C9orf153: variants seen among roughly 807,000 people sequenced by gnomAD.
C9orf153 encodes chromosome 9 open reading frame 153.
C9orf153 carries 10 observed loss-of-function variants against 9.0 expected under a neutral mutation model. The observed-to-expected ratio is 1.11, with a 90% CI of 0.69 to 1.89. The LOEUF (loss-of-function observed/expected upper bound fraction) is 1.89, where lower values mean the gene tolerates loss of function less well. Among genes scored for constraint, C9orf153 ranks in the 40% most tolerant of loss-of-function variants. The pLI, the probability that C9orf153 is intolerant of heterozygous loss-of-function variation, is 0.00. For synonymous variants in C9orf153, 35 were observed against 37.3 expected (o/e 0.94, Z 0.23); for missense variants, 108 against 111.0 (o/e 0.97, Z 0.12).
At chr9:86,228,447 T>A (rs181330740) in intron 2 of C9orf153, among the ~76,000 whole-genome samples, 2 of 152,174 alleles carry the variant, frequency 1.3e-5, no homozygotes, top group Non-Finnish European at 2.9e-5. Flanking sequence ...GCCAGATCAC[T>A]TAGATATCAG....
intron 1 of C9orf153, among the ~76,000 whole-genome samples, chr9:86,236,979 A>G (rs1247305962): frequency 6.6e-6 from 1 of 151,600 alleles, no homozygotes; most frequent in Non-Finnish European, 1.5e-5. Flanking sequence ...GCAAGAATGT[A>G]TTCAAACAAT....
chr9:86,221,882 TTTTA>T (rs1448033026), intron 3 of C9orf153, 149 bp from the exon 4 acceptor site: 107 of 506,872 alleles, frequency 2.1e-4, no homozygotes, highest in South Asian at 3.9e-4. Context: ...TATTTTTAAT[TTTTA>T]TTTATTTATT....
At chr9:86,234,275 C>A (rs1180101704) in intron 1 of C9orf153, among the ~76,000 whole-genome samples, 1 of 151,960 alleles carries the variant, frequency 6.6e-6, no homozygotes, top group Non-Finnish European at 1.5e-5. Flanking sequence ...TCTTTTATGA[C>A]AATCTAAATA....
At chr9:86,238,819 A>G (rs1824661831) in intron 1 of C9orf153, among the ~76,000 whole-genome samples, 1 of 152,174 alleles carries the variant, frequency 6.6e-6, no homozygotes, top group African/African-American at 2.4e-5. Context: ...AAAATATCCA[A>G]TGATGAGCTC....
intron 1 of C9orf153, among the ~76,000 whole-genome samples, chr9:86,257,413 G>T (rs578232782): frequency 3.8e-4 from 58 of 152,260 alleles, no homozygotes; most frequent in Non-Finnish European, 6.8e-4. Context: ...CTCCCTCCTG[G>T]CTTTCACTTG....
intron 1 of C9orf153, among the ~76,000 whole-genome samples, chr9:86,238,282 G>A (rs898137196): frequency 1.3e-5 from 2 of 152,130 alleles, no homozygotes; most frequent in African/African-American, 4.8e-5. Context: ...TCAATCAACT[G>A]GATATAATTG....
At chr9:86,255,820 G>A (rs1825112372) in intron 1 of C9orf153, among the ~76,000 whole-genome samples, 1 of 152,148 alleles carries the variant, frequency 6.6e-6, no homozygotes, top group African/African-American at 2.4e-5. Context: ...AACCTTCAGA[G>A]GGCAAAAAGG....
intron 1 of C9orf153, among the ~76,000 whole-genome samples, chr9:86,237,940 G>A (rs1388655557): frequency 2.0e-5 from 3 of 152,056 alleles, no homozygotes; most frequent in African/African-American, 7.2e-5. Flanking sequence ...AATTAGCCAG[G>A]TGTGGTGGCA....
At chr9:86,257,369 G>GA (rs1157487162) in intron 1 of C9orf153, among the ~76,000 whole-genome samples, 2 of 152,172 alleles carry the variant, frequency 1.3e-5, no homozygotes, top group Non-Finnish European at 2.9e-5. Context: ...GGAACCTGAA[G>GA]ATTCCCCTGC....
At chr9:86,242,413 A>G (rs575132463) in intron 1 of C9orf153, among the ~76,000 whole-genome samples, 1 of 151,808 alleles carries the variant, frequency 6.6e-6, no homozygotes, top group Non-Finnish European at 1.5e-5. Context: ...TGAGCTGAGT[A>G]GTTGGCACAG....
intron 1 of C9orf153, among the ~76,000 whole-genome samples, chr9:86,243,886 A>G (rs1824805235): frequency 6.6e-6 from 1 of 152,222 alleles, no homozygotes; most frequent in Non-Finnish European, 1.5e-5. Context: ...CAGTGGCCTC[A>G]AGACTAGTTC....
At chr9:86,226,400 C>T (rs556424412) in intron 3 of C9orf153, among the ~76,000 whole-genome samples, 1 of 152,118 alleles carries the variant, frequency 6.6e-6, no homozygotes, top group African/African-American at 2.4e-5. Flanking sequence ...TGACTCACTG[C>T]AACCTCTGCC....
chr9:86,250,833 C>T (rs924749596), intron 1 of C9orf153, among the ~76,000 whole-genome samples: 1 of 152,120 alleles, frequency 6.6e-6, no homozygotes, highest in East Asian at 1.9e-4. Context: ...CTCCTTTACC[C>T]TCAGAATGGT....
intron 1 of C9orf153, among the ~76,000 whole-genome samples, chr9:86,253,053 C>T (rs1000662402): frequency 1.3e-5 from 2 of 151,874 alleles, no homozygotes; most frequent in African/African-American, 2.4e-5. Flanking sequence ...GAAACATTTA[C>T]CTTTCTCACC....
intron 2 of C9orf153, 95 bp from the exon 3 acceptor site, chr9:86,228,125 A>G (rs1044280735): frequency 1.1e-6 from 1 of 880,050 alleles, no homozygotes; most frequent in Admixed American, 3.0e-5. Flanking sequence ...TAGGACAATA[A>G]ATAACCATAA....
rs1824177335 is a variant in C9orf153, at chr9:86,220,664, T to G, written c.*1024A>C. On this transcript the variant is annotated 3_prime_UTR_variant, in exon 4 of 4. Coordinates refer to ENST00000339137, the MANE Select transcript of C9orf153 (RefSeq NM_001276366.4). ...TTAGTGGTCCATAGTTTTGCTACAG[T>G]ATTTCTGGGTATAGATTTATTTTCA... 6.6e-6 allele frequency: 1 copy of G among 152,214 alleles called. No homozygotes were observed. Among genetic ancestry groups the G allele is most frequent in the South Asian group, 2.1e-4 (1 of 4,822 alleles). 9.4% of individuals were successfully genotyped at this position (152,214 alleles called of 1,614,324 possible).
chr9:86,224,994 A>G (rs961384281), intron 3 of C9orf153, among the ~76,000 whole-genome samples: 4 of 151,178 alleles, frequency 2.6e-5, no homozygotes, highest in Non-Finnish European at 5.9e-5. Context: ...GTACCCCTAG[A>G]CTTCTAATTA....
In C9orf153 at chr9:86,240,716, T is replaced by C. The variant is rs1405584880; in HGVS notation, c.-26-11087A>G. Among the ~76,000 whole-genome samples the C allele has an allele frequency of 1.3e-3, 194 of 143,814 alleles. 1 individual carries two copies. Among genetic ancestry groups the C allele is most frequent in the African/African-American group, 4.5e-3 (177 of 39,182 alleles). The allele number at this position is 143,814 out of a possible 152,430, so 94.3% of individuals were successfully genotyped here. ...TTTTCTTTTTCTTTTTCTTTTTTTT[T>C]TTTTTTTTTTGAGATGGAGTCTCCC... On this transcript the variant is annotated intron_variant, in intron 1 of 3. Transcript: ENST00000339137.
intron 1 of C9orf153, among the ~76,000 whole-genome samples, chr9:86,240,116 AAATAT>A: frequency 6.6e-6 from 1 of 152,314 alleles, no homozygotes; most frequent in East Asian, 1.9e-4. Context: ...CTAAGAACTT[AAATAT>A]ATTATCTGAT....
Sources: gnomAD v4.1 joint callset for allele counts (sites outside exome capture counted in the v4.1 genomes callset) on GRCh38, gnomAD v4.1.1 for gene constraint, MANE v1.5 for transcripts, NCBI Gene and HGNC (gene_info 2026-07-23, HGNC 2026-07-21) for gene names.